Variants in PREPL observed in about 807,000 individuals in gnomAD.
PREPL encodes prolyl endopeptidase like.
A neutral mutation model predicts 70.6 loss-of-function variants in PREPL; 77 were observed. The ratio of observed to expected loss-of-function variants is 1.09; its 90% CI spans 0.91 to 1.32. PREPL has a LOEUF of 1.32. Ranked by LOEUF, PREPL falls within the 40% of genes most tolerant of loss-of-function variation. The pLI, the probability that PREPL is intolerant of heterozygous loss-of-function variation, is 0.00. For missense variants in PREPL, 1,002 were observed against 778.2 expected (o/e 1.29, Z -3.42); for synonymous variants, 315 against 264.8 (o/e 1.19, Z -1.84).
chr2:44,322,452 G>A (rs887978324), intron 12 of PREPL, among the ~76,000 whole-genome samples: 1 of 152,112 alleles, frequency 6.6e-6, no homozygotes, highest in Admixed American at 6.5e-5. Flanking sequence ...TAATTGTATG[G>A]CAGTGCATCT....
At chr2:44,336,782 G>A (rs1674686515) in intron 7 of PREPL, among the ~76,000 whole-genome samples, 1 of 151,950 alleles carries the variant, frequency 6.6e-6, no homozygotes, top group South Asian at 2.1e-4. Context: ...AGACAATAAG[G>A]ACATCCCTCC....
intron 1 of PREPL, among the ~76,000 whole-genome samples, chr2:44,351,350 T>C (rs1349381138): frequency 3.9e-5 from 6 of 152,100 alleles, no homozygotes. Flanking sequence ...TAAATACCAT[T>C]TATATGCTAA....
chr2:44,344,034 G>C (rs984949556), intron 3 of PREPL, 83 bp from the exon 4 acceptor site: 1 of 1,452,894 alleles, frequency 6.9e-7, no homozygotes, highest in South Asian at 1.4e-5. Context: ...TTTTAAATTA[G>C]AATTCCCATT....
chr2:44,348,396 A>C (rs1418078150), intron 1 of PREPL, among the ~76,000 whole-genome samples: 1 of 152,230 alleles, frequency 6.6e-6, no homozygotes, highest in Non-Finnish European at 1.5e-5. Flanking sequence ...GTAAAATAGC[A>C]ATAGGAGCTG....
At position 44,326,697 on chromosome 2, in the gene PREPL, A is replaced by T. The variant is rs1174055338; in HGVS notation, c.1479+15T>A. 2.5e-6 allele frequency: 4 copies of T among 1,605,074 alleles called. No homozygotes were observed. The African/African-American group carries it at 5.4e-5, about 22-fold the overall frequency. On this transcript the variant is annotated intron_variant, in intron 10 of 13. Transcript: ENST00000409411. ...CTCCCCCATTCTATAAACAGTAGAG[A>T]CAGAGCGTACTCACCTCCAAAGTCA...
chr2:44,331,957 T>G, intron 8 of PREPL, among the ~76,000 whole-genome samples: 1 of 150,738 alleles, frequency 6.6e-6, no homozygotes, highest in Non-Finnish European at 1.5e-5. Context: ...TTTTTTTTTT[T>G]TTTTTTTGAG....
In PREPL at chr2:44,339,350, G is replaced by C; in HGVS notation, c.499C>G (p.Leu167Val). The C allele has an allele frequency of 6.2e-7, 1 of 1,613,598 alleles. No individual in the cohort carries two copies. The highest frequency in any genetic ancestry group is 8.5e-7 in the Non-Finnish European group (1 of 1,179,848). The change falls in exon 6 of 14, where the codon CTT becomes GTT. Residue 167 changes from leucine (L) to valine (V), a missense_variant. Coordinates refer to ENST00000409411, the MANE Select transcript of PREPL (RefSeq NM_001171613.2). ...TEKDPSYFVF[L>V]YLTKDSRFLT... is the part of the protein sequence containing the mutation. ...AAACGACTGTCTTTTGTAAGATAAA[G>C]GAAAACAAAGTAGCTAGAGAGAGAG...
At chr2:44,330,298 T>A (rs1234167583) in intron 8 of PREPL, among the ~76,000 whole-genome samples, 1 of 152,226 alleles carries the variant, frequency 6.6e-6, no homozygotes, top group Non-Finnish European at 1.5e-5. Flanking sequence ...CCAGCAGTAC[T>A]AAAATGCCTG....
At chr2:44,354,638 G>C (rs888998107) in intron 1 of PREPL, among the ~76,000 whole-genome samples, 1 of 151,660 alleles carries the variant, frequency 6.6e-6, no homozygotes, top group African/African-American at 2.4e-5. Context: ...GCAGTGGCAC[G>C]ATCTCAGATC....
rs925298813 is a variant in PREPL, at chr2:44,332,151, T to C, written c.1086+308A>G. Among the ~76,000 whole-genome samples the C allele has an allele frequency of 2.0e-5, 3 of 152,086 alleles. No individual in the cohort carries two copies. In the East Asian group the frequency reaches 5.8e-4, roughly 29 times the overall value. The stretch of plus-strand genomic sequence containing the variant: ...TTAGTAGAGATGGGGTTTCACCGTG[T>C]TAGCCAGGATGGTCTCGATCTCCTG... On this transcript the variant is annotated intron_variant, in intron 8 of 13. Transcript: ENST00000409411.
intron 8 of PREPL, 80 bp downstream of exon 8, chr2:44,332,379 A>C (rs1464838072): frequency 8.0e-7 from 1 of 1,251,530 alleles, no homozygotes; most frequent in Admixed American, 1.9e-5. Flanking sequence ...GTGCTAATGT[A>C]ACTCCAACAA....
chr2:44,323,470 A>G lies in PREPL; in HGVS notation c.1480-59T>C, dbSNP rs1421820049. On this transcript the variant is annotated intron_variant, in intron 10 of 13. Coordinates refer to ENST00000409411, the MANE Select transcript of PREPL (RefSeq NM_001171613.2). The stretch of plus-strand genomic sequence containing the variant: ...TAAGAGGTTGGTAAGTGAGTTTCAG[A>G]AAAACATTCTATTTTATGAATATAC... The G allele has an allele frequency of 7.3e-6, 10 of 1,371,696 alleles. No homozygotes were observed. The East Asian group carries it at 1.9e-4, about 26-fold the overall frequency. 85.0% of individuals were successfully genotyped at this position (1,371,696 alleles called of 1,614,324 possible).
intron 10 of PREPL, among the ~76,000 whole-genome samples, chr2:44,326,129 T>C (rs764858487): frequency 2.0e-5 from 3 of 152,218 alleles, no homozygotes; most frequent in Non-Finnish European, 2.9e-5. Context: ...GGGACTCATA[T>C]ATGCTTCAGT....
intron 7 of PREPL, among the ~76,000 whole-genome samples, chr2:44,334,969 G>A (rs939642535): frequency 6.6e-6 from 1 of 152,140 alleles, no homozygotes; most frequent in East Asian, 1.9e-4. Context: ...TTTGTCTTTC[G>A]TGTATGGATG....
intron 4 of PREPL, 55 bp from the exon 5 acceptor site, chr2:44,342,607 A>G: frequency 7.2e-7 from 1 of 1,395,562 alleles, no homozygotes. Flanking sequence ...CATTAAAAAA[A>G]AAAAAAAAGC....
In PREPL at chr2:44,338,361, C is replaced by A; in HGVS notation, c.878G>T (p.Arg293Leu). 6.2e-7 allele frequency: 1 copy of A among 1,610,600 alleles called. No homozygotes were observed. ...NVIGLADDSV[R>L]SLKLPPWACG... is the part of the protein sequence containing the mutation. ...GAAAATTAAACATACCTTTAGAGAC[C>A]GAACTGAATCATCAGCCAGACCAAT... The change falls in exon 7 of 14, where the codon CGG becomes CTG. Residue 293 changes from arginine to leucine, a missense_variant. By Grantham distance (102) the Arg-to-Leu change is moderately radical. Transcript: ENST00000409411.
intron 1 of PREPL, among the ~76,000 whole-genome samples, chr2:44,348,881 T>C (rs1415053354): frequency 1.3e-5 from 2 of 152,218 alleles, no homozygotes; most frequent in African/African-American, 2.4e-5. Flanking sequence ...TGTTTTAAGC[T>C]TTCATTTCAA....
rs556250133 is a variant in PREPL, at chr2:44,346,183, C to G, written c.75+85G>C. On this transcript the variant is annotated intron_variant, in intron 2 of 13. Transcript: ENST00000409411. ...AAAAGCAGTATAATCTTGATGTGGA[C>G]TATGTCTCTAAATCACCAAGTATCT... The G allele has an allele frequency of 1.9e-4, 251 of 1,298,084 alleles. 2 individuals are homozygous for G. The South Asian group carries it at 2.9e-3, about 15-fold the overall frequency. 80.4% of individuals were successfully genotyped at this position (1,298,084 alleles called of 1,614,324 possible). A position where few individuals can be genotyped will look rare whatever the true frequency, so the allele number is the denominator to read the frequency against.
chr2:44,320,619 A>G lies in PREPL; in HGVS notation c.*737T>C, dbSNP rs924248668. ...AGCATGCTATTCCAGTGTACTGAACATACTGTATACCTCGTGTTAGGCACC... is the reference window on the plus strand; with the variant it reads ...AGCATGCTATTCCAGTGTACTGAACGTACTGTATACCTCGTGTTAGGCACC... On this transcript the variant is annotated 3_prime_UTR_variant, in exon 14 of 14. Coordinates refer to ENST00000409411, the MANE Select transcript of PREPL (RefSeq NM_001171613.2). 4.3e-6 allele frequency: 7 copies of G among 1,613,784 alleles called. No individual in the cohort carries two copies. In the African/African-American group the frequency reaches 9.3e-5, roughly 22 times the overall value.
Sources: allele counts gnomAD v4.1 joint callset (sites outside exome capture counted in the v4.1 genomes callset), GRCh38; gene constraint gnomAD v4.1.1; transcripts MANE v1.5; gene names NCBI Gene and HGNC (gene_info 2026-07-23, HGNC 2026-07-21).